The following ZFHX4 variants were observed in gnomAD, a reference collection of about 807,000 sequenced individuals.
The protein encoded by ZFHX4 is zinc finger homeobox 4, also known as zinc finger homeobox protein 4.
Under a neutral mutation model 267.6 loss-of-function variants are expected in ZFHX4, and 56 were observed. The observed-to-expected ratio is 0.21, with a 90% CI of 0.17 to 0.26. ZFHX4 has a LOEUF of 0.26. Ranked by LOEUF, ZFHX4 falls within the 10% of genes least tolerant of loss-of-function variation. ZFHX4 has a pLI of 1.00. For synonymous variants in ZFHX4, 1,778 were observed against 1,665.6 expected, an observed-to-expected ratio of 1.07 and a Z score of -1.64; for missense variants, 4,332 against 4,420.0, an observed-to-expected ratio of 0.98 and a Z score of 0.56.
intron 1 of ZFHX4, among the ~76,000 whole-genome samples, chr8:76,692,465 C>A (rs1807848789): frequency 6.6e-6 from 1 of 152,016 alleles, no homozygotes; most frequent in Admixed American, 6.6e-5. Flanking sequence ...GAGAAGAGAT[C>A]CAGTTATTAA....
chr8:76,741,361 G>A (rs1335839970), intron 3 of ZFHX4, among the ~76,000 whole-genome samples: 1 of 152,106 alleles, frequency 6.6e-6, no homozygotes, highest in Non-Finnish European at 1.5e-5. Flanking sequence ...AGCTCTGTTA[G>A]GGGAGAAAAT....
intron 10 of ZFHX4, among the ~76,000 whole-genome samples, chr8:76,859,090 C>T (rs1401956393): frequency 6.6e-6 from 1 of 152,204 alleles, no homozygotes; most frequent in East Asian, 1.9e-4. Flanking sequence ...TTATCAACTT[C>T]TGAATTTCCT....
chr8:76,824,673 A>G (rs114965519), intron 4 of ZFHX4, among the ~76,000 whole-genome samples: 3,864 of 152,266 alleles, frequency 0.025, 157 homozygotes, highest in African/African-American at 0.083. Flanking sequence ...CCTGGGCTCA[A>G]CCAATCCTCC....
Position 76,855,523 on chromosome 8 carries a change from C to T in ZFHX4, c.8602C>T (p.Leu2868Phe), listed in dbSNP as rs751033732. The stretch of plus-strand genomic sequence containing the variant: ...CTGCGATGACAAATTTCTCTTTTCT[C>T]TCACAAGCCCATCCATCCATTTCAA... ...EVCDDKFLFS[L>F]TSPSIHFNDK... Residue 2868 changes from leucine to phenylalanine, a missense_variant, in exon 10 of 11, where the codon CTC becomes TTC. Around this residue, in one of 7 missense-constraint regions of ZFHX4, gnomAD observed 1,648 missense variants for 1,625.0 expected, o/e 1.01. Coordinates refer to ENST00000651372, the MANE Select transcript of ZFHX4 (RefSeq NM_024721.5). 1 of 1,613,898 alleles carries T rather than the reference C, an allele frequency of 6.2e-7. No homozygotes were observed. Among genetic ancestry groups the T allele is most frequent in the East Asian group, 2.2e-5 (1 of 44,842 alleles).
At chr8:76,711,369 G>A (rs1024508304) in intron 3 of ZFHX4, among the ~76,000 whole-genome samples, 1 of 152,082 alleles carries the variant, frequency 6.6e-6, no homozygotes, top group African/African-American at 2.4e-5. Context: ...AGATGAAACT[G>A]AAGATTGCCC....
Position 76,707,871 on chromosome 8 carries a change from A to G in ZFHX4, c.2916A>G (p.Gln972=), listed in dbSNP as rs368031286. 166 of 1,614,078 alleles carry G rather than the reference A, an allele frequency of 1.0e-4. No homozygotes were observed. In the Middle Eastern group the frequency reaches 1.8e-3, roughly 18 times the overall value. ...CTGATAAACATATGCAGAAATATCA[A>G]CTGGTGGCTCACATTAAAGAAGGGG... is the stretch of plus-strand genomic sequence containing the variant. ...CKTDKHMQKY[Q]LVAHIKEGGK... Residue 972 remains glutamine, a synonymous_variant, in exon 3 of 11, where the codon CAA becomes CAG. Coordinates refer to ENST00000651372, the MANE Select transcript of ZFHX4 (RefSeq NM_024721.5).
chr8:76,785,819 C>T (rs544715833), intron 4 of ZFHX4, among the ~76,000 whole-genome samples: 20 of 152,172 alleles, frequency 1.3e-4, no homozygotes, highest in African/African-American at 4.3e-4. Context: ...GTAGATAGTT[C>T]GGATGCAAAT....
chr8:76,791,622 G>A (rs1810838884), intron 4 of ZFHX4, among the ~76,000 whole-genome samples: 1 of 152,096 alleles, frequency 6.6e-6, no homozygotes. Context: ...AGGTGGCAGA[G>A]TAAGGAAGAA....
At chr8:76,700,516 G>A (rs1808075715) in intron 1 of ZFHX4, among the ~76,000 whole-genome samples, 1 of 152,172 alleles carries the variant, frequency 6.6e-6, no homozygotes, top group African/African-American at 2.4e-5. Context: ...TGTTCAGAAA[G>A]CACCCCCTTT....
chr8:76,794,341 G>A (rs1371144907), intron 4 of ZFHX4, among the ~76,000 whole-genome samples: 1 of 152,088 alleles, frequency 6.6e-6, no homozygotes, highest in East Asian at 1.9e-4. Context: ...TTTTGCTCTT[G>A]AAGTAGATTT....
chr8:76,863,212 A>T lies in ZFHX4; in HGVS notation c.9498A>T (p.Pro3166=). 1 of 1,572,660 alleles carries T rather than the reference A, an allele frequency of 6.4e-7. No homozygotes were observed. The highest frequency in any genetic ancestry group is 8.6e-7 in the Non-Finnish European group (1 of 1,158,908). The change falls in exon 11 of 11, where the codon CCA becomes CCT. Residue 3166 remains proline, a synonymous_variant. Coordinates refer to ENST00000651372, the MANE Select transcript of ZFHX4 (RefSeq NM_024721.5). ...TGCTGCAGACTCCACCACCTCCACC[A>T]CCTCCTCCTCCTCCTCCTCCTTCAT... The part of the protein sequence containing the change: ...KPLLQTPPPP[P]PPPPPPPSSS...
chr8:76,684,863 A>T (rs1219282810), intron 1 of ZFHX4, among the ~76,000 whole-genome samples: 6 of 152,194 alleles, frequency 3.9e-5, no homozygotes, highest in Non-Finnish European at 8.8e-5. Context: ...GGCTGAGAAA[A>T]TCACTGTTTA....
At chr8:76,811,865 T>G (rs923341643) in intron 4 of ZFHX4, among the ~76,000 whole-genome samples, 6 of 152,114 alleles carry the variant, frequency 3.9e-5, no homozygotes, top group African/African-American at 1.4e-4. Flanking sequence ...CGGAGGTTGC[T>G]GTGAGCTGAA....
intron 5 of ZFHX4, among the ~76,000 whole-genome samples, chr8:76,836,506 G>C (rs1812096818): frequency 6.6e-6 from 1 of 152,044 alleles, no homozygotes; most frequent in South Asian, 2.1e-4. Context: ...TAATGAAAAG[G>C]AGCCAATTAT....
Position 76,864,424 on chromosome 8 carries a change from A to G in ZFHX4, c.10710A>G (p.Thr3570=). The G allele has an allele frequency of 3.1e-6, 5 of 1,613,774 alleles. No individual in the cohort carries two copies. The highest frequency in any genetic ancestry group is 4.2e-6 in the Non-Finnish European group (5 of 1,179,836). Residue 3570 remains threonine (T), a synonymous_variant, in exon 11 of 11, where the codon ACA becomes ACG. Coordinates refer to ENST00000651372, the MANE Select transcript of ZFHX4 (RefSeq NM_024721.5). ...CAGGGGTTCAAACCTCACTACCCAC[A>G]GAAAGTTGTTCAGATGAGTCTGACA... is the stretch of plus-strand genomic sequence containing the variant. ...STSGVQTSLP[T]ESCSDESDSE... is the part of the protein sequence containing the mutation.
intron 4 of ZFHX4, among the ~76,000 whole-genome samples, chr8:76,794,580 A>G (rs775898938): frequency 3.9e-5 from 6 of 152,142 alleles, no homozygotes; most frequent in Non-Finnish European, 7.4e-5. Flanking sequence ...ACTTCTCTAT[A>G]TACTCTACAT....
chr8:76,722,221 A>G (rs1281705555), intron 3 of ZFHX4, among the ~76,000 whole-genome samples: 2 of 152,064 alleles, frequency 1.3e-5, no homozygotes, highest in Admixed American at 6.6e-5. Context: ...TTTTACTGTT[A>G]AAATGAGTTA....
intron 3 of ZFHX4, among the ~76,000 whole-genome samples, chr8:76,712,919 TG>T (rs1383835748): frequency 1.3e-5 from 2 of 152,118 alleles, no homozygotes; most frequent in African/African-American, 2.4e-5. Context: ...GGGCAGAGAT[TG>T]AAAAAAAACA....
chr8:76,815,673 T>C (rs1361042616), intron 4 of ZFHX4, among the ~76,000 whole-genome samples: 3 of 152,052 alleles, frequency 2.0e-5, no homozygotes, highest in Non-Finnish European at 4.4e-5. Flanking sequence ...GGCTAATTTT[T>C]TATTTTTTGT....
Sources: allele counts gnomAD v4.1 joint callset (sites outside exome capture counted in the v4.1 genomes callset), GRCh38; gene constraint gnomAD v4.1.1; regional missense constraint gnomAD v4.1.1; transcripts MANE v1.5; gene names NCBI Gene and HGNC (gene_info 2026-07-23, HGNC 2026-07-21).